Variants in SLC2A5 observed in about 807,000 individuals in gnomAD.
SLC2A5 encodes the protein solute carrier family 2 member 5.
In SLC2A5, 56 loss-of-function variants were observed where a neutral mutation model predicts 50.3. The ratio of observed to expected loss-of-function variants is 1.11; its 90% confidence interval spans 0.90 to 1.39. The LOEUF (loss-of-function observed/expected upper bound fraction) is 1.39, where lower values mean the gene tolerates loss of function less well. Ranked by LOEUF, SLC2A5 falls within the 40% of genes most tolerant of loss-of-function variation. SLC2A5 has a pLI of 0.00. For missense variants in SLC2A5, 566 were observed against 650.1 expected (o/e 0.87, Z 1.41); for synonymous variants, 269 against 281.9 (o/e 0.95, Z 0.46).
intron 2 of SLC2A5, among the ~76,000 whole-genome samples, chr1:9,081,276 A>ACC (rs1642348180): frequency 7.1e-6 from 1 of 141,358 alleles, no homozygotes; most frequent in South Asian, 2.1e-4. Context: ...AAAAAAAAAA[A>ACC]AAACCCCAAA....
At chr1:9,072,919 A>C (rs988642261), upstream of SLC2A5, among the ~76,000 whole-genome samples, 1 of 151,976 alleles carries the variant, frequency 6.6e-6, no homozygotes, top group Non-Finnish European at 1.5e-5. Flanking sequence ...CTGAGATCGC[A>C]CTACTACACT....
Position 9,037,776 on chromosome 1 carries a change from GGGCCGA to G in SLC2A5, c.1310_1315del (p.Leu437_Gly438del). Reference sequence around the variant, plus strand: ...CACGGCGAAGACAATGAAGCTGTACGGGCCGAGGCCCTCCTGCGGGAAGAGGGGCAG... The same window carrying G: ...CACGGCGAAGACAATGAAGCTGTACGGGCCCTCCTGCGGGAAGAGGGGCAG... On this transcript the variant is annotated inframe_deletion, in exon 12 of 12. Coordinates refer to ENST00000377424, the MANE Select transcript of SLC2A5 (RefSeq NM_003039.3). The G allele has an allele frequency of 3.1e-6, 5 of 1,614,152 alleles. No individual in the cohort carries two copies. The highest frequency in any genetic ancestry group is 4.2e-6 in the Non-Finnish European group (5 of 1,180,036).
intron 1 of SLC2A5, among the ~76,000 whole-genome samples, chr1:9,063,159 T>G (rs1641989005): frequency 6.6e-6 from 1 of 152,238 alleles, no homozygotes; most frequent in South Asian, 2.1e-4. Context: ...TGTGAGATCA[T>G]GCAGTGTTTG....
chr1:9,038,613 C>G (rs1448549242), intron 9 of SLC2A5, 107 bp from the exon 10 acceptor site: 2 of 1,235,910 alleles, frequency 1.6e-6, no homozygotes, highest in East Asian at 4.8e-5. Flanking sequence ...TGGCTCCTCC[C>G]CCAGCAGTGC....
the SLC2A5 span, among the ~76,000 whole-genome samples, chr1:9,094,054 C>T: frequency 1.3e-5 from 2 of 152,190 alleles, no homozygotes; most frequent in Admixed American, 6.5e-5. Flanking sequence ...TACAACAAGC[C>T]TCAATTTGCT....
intron 2 of SLC2A5, among the ~76,000 whole-genome samples, chr1:9,084,474 A>G (rs1642384649): frequency 6.6e-6 from 1 of 152,210 alleles, no homozygotes; most frequent in South Asian, 2.1e-4. Flanking sequence ...AAGCCTGGAC[A>G]CTGCCTGCGG....
At chr1:9,084,001 G>A (rs563587048) in intron 2 of SLC2A5, among the ~76,000 whole-genome samples, 7 of 151,894 alleles carry the variant, frequency 4.6e-5, no homozygotes, top group South Asian at 2.1e-4. Flanking sequence ...AAAATTAGCC[G>A]GGCAAGGTGG....
intron 1 of SLC2A5, among the ~76,000 whole-genome samples, chr1:9,062,843 G>C (rs1557678082): frequency 6.6e-6 from 1 of 152,106 alleles, no homozygotes; most frequent in Admixed American, 6.6e-5. Flanking sequence ...TTGCACTCCA[G>C]TCTGGGAAAC....
exon 1 of SLC2A5, chr1:9,088,429 G>C (rs1332605625): frequency 6.6e-6 from 1 of 152,262 alleles, no homozygotes; most frequent in African/African-American, 2.4e-5. Flanking sequence ...CACCCCTGGT[G>C]GTGGTTCGGC....
intron 4 of SLC2A5, among the ~76,000 whole-genome samples, chr1:9,045,739 G>A (rs1373899332): frequency 2.0e-5 from 3 of 151,942 alleles, no homozygotes; most frequent in Non-Finnish European, 2.9e-5. Flanking sequence ...GTGTGGTGGC[G>A]GGCAGCTGTA....
chr1:9,090,183 C>G (rs1392265691), upstream of SLC2A5, among the ~76,000 whole-genome samples: 2 of 152,046 alleles, frequency 1.3e-5, no homozygotes. Context: ...TTTATTGGCC[C>G]TAAACCAAAG....
In SLC2A5 at chr1:9,037,814, C is replaced by T. The variant is rs374780155; in HGVS notation, c.1303-25G>A. On this transcript the variant is annotated intron_variant, in intron 11 of 11. Transcript: ENST00000377424. ...CCTGCGGGAAGAGGGGCAGGTGACACGTGTGGGACGTGGTTTGCCCAGGGG... is the reference window on the plus strand; with the variant it reads ...CCTGCGGGAAGAGGGGCAGGTGACATGTGTGGGACGTGGTTTGCCCAGGGG... The T allele has an allele frequency of 1.3e-4, 213 of 1,613,832 alleles. 1 individual carries two copies. The highest frequency in any genetic ancestry group is 1.6e-4 in the Non-Finnish European group (188 of 1,179,978).
chr1:9,081,624 A>G (rs1569924234), intron 2 of SLC2A5, among the ~76,000 whole-genome samples: 1 of 152,234 alleles, frequency 6.6e-6, no homozygotes, highest in Non-Finnish European at 1.5e-5. Context: ...TGCGCAAAAC[A>G]CTTGAATAGA....
chr1:9,037,692 G>A lies in SLC2A5; in HGVS notation c.1400C>T (p.Thr467Met), dbSNP rs368307795. ...GAAAATCTGGTTGATCTCTATGAAC[G>A]TCTTGGCCTTGGTCTCCGGGACAAT... The part of the protein sequence containing the change: ...FLIVPETKAK[T>M]FIEINQIFTK... Residue 467 changes from threonine (T) to methionine (M), a missense_variant, in exon 12 of 12, where the codon ACG becomes ATG. Transcript: ENST00000377424. 21 of 1,614,104 alleles carry A rather than the reference G, an allele frequency of 1.3e-5. No homozygotes were observed. Among genetic ancestry groups the A allele is most frequent in the African/African-American group, 8.0e-5 (6 of 75,038 alleles).
In SLC2A5 at chr1:9,040,316, G is replaced by A; in HGVS notation, c.572-127C>T. On this transcript the variant is annotated intron_variant, in intron 5 of 11. Coordinates refer to ENST00000377424, the MANE Select transcript of SLC2A5 (RefSeq NM_003039.3). This position sits in a 1 kb window ranked among gnomAD's most constrained non-coding sequence, Gnocchi z 4.3. ...GCTCCAGGAGGGCACAGCTTTCCCA[G>A]CCCTAAGAACAGCAACTCCCGACGG... The A allele has an allele frequency of 8.2e-7, 1 of 1,220,964 alleles. No homozygotes were observed. Among genetic ancestry groups the A allele is most frequent in the Non-Finnish European group, 1.1e-6 (1 of 901,240 alleles). 75.6% of individuals were successfully genotyped at this position (1,220,964 alleles called of 1,614,324 possible).
chr1:9,044,099 C>T (rs1641379668), intron 4 of SLC2A5, among the ~76,000 whole-genome samples: 1 of 151,622 alleles, frequency 6.6e-6, no homozygotes, highest in Admixed American at 6.6e-5. Context: ...GAGGCTGAGG[C>T]AGGTGGATCA....
chr1:9,065,259 T>C (rs561499062), intron 1 of SLC2A5, among the ~76,000 whole-genome samples: 10 of 152,210 alleles, frequency 6.6e-5, no homozygotes, highest in African/African-American at 2.4e-4. Context: ...CCCAGTACAC[T>C]CTCTACATTC....
chr1:9,043,747 G>A (rs1641365523), intron 4 of SLC2A5, among the ~76,000 whole-genome samples: 1 of 150,678 alleles, frequency 6.6e-6, no homozygotes, highest in Non-Finnish European at 1.5e-5. Context: ...CGAGATGCGA[G>A]TTTCGCTCTT....
At chr1:9,060,604 TACACACACC>T (rs1248810815) in intron 1 of SLC2A5, among the ~76,000 whole-genome samples, 6 of 53,616 alleles carry the variant, frequency 1.1e-4, no homozygotes, top group South Asian at 6.5e-4. Context: ...TAGGCAGAAA[TACACACACC>T]ACACACACCA....
Sources: gnomAD v4.1 joint callset for allele counts (sites outside exome capture counted in the v4.1 genomes callset) on GRCh38, gnomAD v4.1.1 for gene constraint, Gnocchi (gnomAD v3.1) non-coding constraint, MANE v1.5 for transcripts, NCBI Gene and HGNC (gene_info 2026-07-23, HGNC 2026-07-21) for gene names.